OR2Z1: variants seen among roughly 807,000 people sequenced by gnomAD.
The protein encoded by OR2Z1 is olfactory receptor family 2 subfamily Z member 1, also known as olfactory receptor 2Z1.
For missense variants in OR2Z1, 449 were observed against 401.8 expected, an observed-to-expected ratio of 1.12 and a Z score of -1.00; for synonymous variants, 188 against 160.6, an observed-to-expected ratio of 1.17 and a Z score of -1.29.
At position 8,721,637 on chromosome 19, in the gene OR2Z1, C is replaced by A. The variant is rs1555755741; in HGVS notation, c.-620C>A. On this transcript the variant is annotated 5_prime_UTR_variant, in exon 1 of 3. Coordinates refer to ENST00000641125, the MANE Select transcript of OR2Z1 (RefSeq NM_001004699.3). Reference sequence around the variant, plus strand: ...TTTTGTCTACCTCTTGGACATTTGCCAACCTGCACGCTGGATGCATCTTAC... The same window carrying A: ...TTTTGTCTACCTCTTGGACATTTGCAAACCTGCACGCTGGATGCATCTTAC... 6.6e-6 allele frequency: 1 copy of A among 152,224 alleles called. No homozygotes were observed. Among genetic ancestry groups the A allele is most frequent in the African/African-American group, 2.4e-5 (1 of 41,442 alleles). The allele number at this position is 152,224 out of a possible 1,614,324, so 9.4% of individuals were successfully genotyped here.
At chr19:8,725,751 G>A (rs371180341) in intron 2 of OR2Z1, among the ~76,000 whole-genome samples, 2 of 152,166 alleles carry the variant, frequency 1.3e-5, no homozygotes, top group South Asian at 2.1e-4. Flanking sequence ...CAGTGTATTA[G>A]TCTATTCTTG....
At chr19:8,726,042 T>C (rs2145077045) in intron 2 of OR2Z1, among the ~76,000 whole-genome samples, 1 of 152,218 alleles carries the variant, frequency 6.6e-6, no homozygotes, top group South Asian at 2.1e-4. Flanking sequence ...CTCGGCTCAC[T>C]GCAGCCTCCG....
rs2043358282 is a variant in OR2Z1, at chr19:8,731,754, C to T, written c.726C>T (p.Ser242=). Residue 242 remains serine (S), a synonymous_variant, in exon 3 of 3, where the codon TCC becomes TCT. Coordinates refer to ENST00000641125, the MANE Select transcript of OR2Z1 (RefSeq NM_001004699.3). ...GACACAAGGCTGTCACCACCTGCTCCTCGCACATCACGGTAGTGGGGCTCT... is the reference window on the plus strand; with the variant it reads ...GACACAAGGCTGTCACCACCTGCTCTTCGCACATCACGGTAGTGGGGCTCT... The part of the protein sequence containing the change: ...EARHKAVTTC[S]SHITVVGLFY... 1 of 1,614,142 alleles carries T rather than the reference C, an allele frequency of 6.2e-7. No individual in the cohort carries two copies. The highest frequency in any genetic ancestry group is 8.5e-7 in the Non-Finnish European group (1 of 1,180,058).
chr19:8,727,843 G>T (rs956424532), intron 2 of OR2Z1, among the ~76,000 whole-genome samples: 1 of 152,172 alleles, frequency 6.6e-6, no homozygotes, highest in African/African-American at 2.4e-5. Flanking sequence ...CTCCCGCCTG[G>T]GTCACAGAGC....
In OR2Z1 at chr19:8,730,965, C is replaced by T. The variant is rs144835503; in HGVS notation, c.-64C>T. 1.5e-6 allele frequency: 2 copies of T among 1,327,652 alleles called. No homozygotes were observed. The highest frequency in any genetic ancestry group is 3.8e-5 in the Admixed American group (2 of 52,348). 82.2% of individuals were successfully genotyped at this position (1,327,652 alleles called of 1,614,324 possible). On this transcript the variant is annotated 5_prime_UTR_variant, in exon 3 of 3. Transcript: ENST00000641125. The stretch of plus-strand genomic sequence containing the variant: ...ATGTGAGATGAAAATTATTTGCCAC[C>T]CCATGCAGGCTTCTTGCCATAGTTC...
rs1346116748 is a variant in OR2Z1 at position 8,731,078 on chromosome 19, TC to T, written c.51del (p.Phe18SerfsTer20). 2 of 1,614,076 alleles carry T rather than the reference TC, an allele frequency of 1.2e-6. No homozygotes were observed. The highest frequency in any genetic ancestry group is 1.7e-6 in the Non-Finnish European group (2 of 1,180,046). On this transcript the variant is annotated frameshift_variant, in exon 3 of 3. Transcript: ENST00000641125. LOFTEE classifies it low-confidence loss of function (END_TRUNC). The part of the protein sequence containing the change: ...SVASDFILVG[L>X]FSHSGSRQLL... ...GCCTCAGACTTCATTCTGGTGGGCC[TC>T]TTCAGTCACTCAGGATCACGCCAGC... is the stretch of plus-strand genomic sequence containing the variant.
intron 1 of OR2Z1, among the ~76,000 whole-genome samples, chr19:8,722,850 T>A (rs996795560): frequency 6.6e-6 from 1 of 151,978 alleles, no homozygotes; most frequent in Non-Finnish European, 1.5e-5. Flanking sequence ...ACAAAAAAAT[T>A]AAAAAATAAA....
intron 2 of OR2Z1, 126 bp from the exon 3 acceptor site, chr19:8,730,734 A>G (rs897902317): frequency 2.9e-4 from 117 of 401,896 alleles, no homozygotes; most frequent in Middle Eastern, 7.1e-4. Context: ...CAAATTTTTC[A>G]CTATAGGGAG....
At chr19:8,730,565 G>A (rs1484987600) in intron 2 of OR2Z1, among the ~76,000 whole-genome samples, 2 of 151,996 alleles carry the variant, frequency 1.3e-5, no homozygotes, top group African/African-American at 2.4e-5. Context: ...GATTACAGGC[G>A]AGTGCCACCA....
chr19:8,723,968 TTGTGTGTGTGTGTG>T lies in OR2Z1; in HGVS notation c.-170+848_-170+861del, dbSNP rs55655760. 8.7e-4 allele frequency among the ~76,000 whole-genome samples: 116 copies of T among 132,854 alleles called. No homozygotes were observed. In the East Asian group the frequency reaches 0.014, roughly 16 times the overall value. The allele number at this position is 132,854 out of a possible 152,430, so 87.2% of individuals were successfully genotyped here. A position where few individuals can be genotyped will look rare whatever the true frequency, so the allele number is the denominator to read the frequency against. On this transcript the variant is annotated intron_variant, in intron 2 of 2. Transcript: ENST00000641125. ...AACTTAGTGGTGAAGGGGAGTCTGT[TTGTGTGTGTGTGTG>T]TGTGTGTGTGTGTGTGTGTGTGTGT...
At chr19:8,728,980 T>C (rs2043339267) in intron 2 of OR2Z1, 2 of 702,876 alleles carry the variant, frequency 2.8e-6, no homozygotes, top group Admixed American at 1.8e-5. Flanking sequence ...AACGTGATGA[T>C]TGCAGAGTGG....
intron 2 of OR2Z1, among the ~76,000 whole-genome samples, chr19:8,730,121 T>TGTGAATA (rs1158441738): frequency 6.6e-6 from 1 of 152,240 alleles, no homozygotes; most frequent in East Asian, 1.9e-4. Context: ...TCTTTGTTAT[T>TGTGAATA]GTGAATAGTG....
In OR2Z1 at chr19:8,731,919, G is replaced by C; in HGVS notation, c.891G>C (p.Val297=). 1.2e-6 allele frequency: 2 copies of C among 1,614,216 alleles called. No homozygotes were observed. The highest frequency in any genetic ancestry group is 1.1e-5 in the South Asian group (1 of 91,084). The stretch of plus-strand genomic sequence containing the variant: ...TCTACAGTCTGAGGAATCCGGAGGT[G>C]TGGATGGCTTTGGTCAAAGTGCTTA... ...PLIYSLRNPE[V]WMALVKVLSR... Residue 297 remains valine (V), a synonymous_variant, in exon 3 of 3, where the codon GTG becomes GTC. Coordinates refer to ENST00000641125, the MANE Select transcript of OR2Z1 (RefSeq NM_001004699.3).
intron 1 of OR2Z1, among the ~76,000 whole-genome samples, chr19:8,722,419 A>G (rs1178432867): frequency 2.6e-5 from 4 of 152,160 alleles, no homozygotes; most frequent in African/African-American, 7.2e-5. Flanking sequence ...ACAAGAAGAT[A>G]AATAATGTAG....
At chr19:8,730,831 C>T (rs574235171) in intron 2 of OR2Z1, 29 bp from the exon 3 acceptor site, 2 of 604,066 alleles carry the variant, frequency 3.3e-6, no homozygotes, top group East Asian at 2.7e-5. Context: ...CTTGGATAGA[C>T]ACTAACTGAT....
In OR2Z1 at chr19:8,731,424, T is replaced by A; in HGVS notation, c.396T>A (p.Tyr132Ter). The change falls in exon 3 of 3, where the codon TAT becomes TAA. Residue 132 changes from tyrosine (Y) to a stop codon, truncating the protein, a stop_gained. Transcript: ENST00000641125. LOFTEE classifies it low-confidence loss of function (END_TRUNC). ...RYVAVCQPLQ[Y>*]PVLMRRQVCL... ...TTGCTGTGTGCCAGCCCCTGCAGTATCCTGTACTTATGAGACGCCAGGTAT... is the reference window on the plus strand; with the variant it reads ...TTGCTGTGTGCCAGCCCCTGCAGTAACCTGTACTTATGAGACGCCAGGTAT... 6.2e-7 allele frequency: 1 copy of A among 1,614,052 alleles called. No individual in the cohort carries two copies. Among genetic ancestry groups the A allele is most frequent in the Non-Finnish European group, 8.5e-7 (1 of 1,180,014 alleles).
Position 8,731,016 on chromosome 19 carries a change from CA to C in OR2Z1, c.-12del, listed in dbSNP as rs782521838. 1.7e-5 allele frequency: 28 copies of C among 1,607,514 alleles called. No individual in the cohort carries two copies. The African/African-American group carries it at 3.3e-4, about 19-fold the overall frequency. On this transcript the variant is annotated 5_prime_UTR_variant, in exon 3 of 3. An upstream open reading frame in the 5' UTR gains an earlier in-frame stop. Transcript: ENST00000641125. ...AGCTGTTCTTCCTGCAGCTAAAGTG[CA>C]TTGTGTAAAACATGGGGGATGTGAA...
intron 2 of OR2Z1, chr19:8,729,345 T>G (rs1599209374): frequency 2.4e-6 from 1 of 425,080 alleles, no homozygotes; most frequent in East Asian, 4.9e-5. Flanking sequence ...GTATTTGGTT[T>G]TGTTTCTGCC....
At chr19:8,730,314 G>A (rs761963949) in intron 2 of OR2Z1, among the ~76,000 whole-genome samples, 9 of 151,924 alleles carry the variant, frequency 5.9e-5, no homozygotes, top group Non-Finnish European at 1.3e-4. Flanking sequence ...TCATCATCCC[G>A]TTTCACCTCC....
Sources: allele counts gnomAD v4.1 joint callset (sites outside exome capture counted in the v4.1 genomes callset), GRCh38; gene constraint gnomAD v4.1.1; transcripts MANE v1.5; gene names NCBI Gene and HGNC (gene_info 2026-07-23, HGNC 2026-07-21).